Variants in ABTB3 observed in about 807,000 individuals in gnomAD.
ABTB3 encodes ankyrin repeat and BTB domain containing 3, also known as ankyrin repeat- and BTB/POZ domain-containing protein 3.
At chr12:107,537,935 A>G in the ABTB3 span, among the ~76,000 whole-genome samples, 2 of 152,160 alleles carry the variant, frequency 1.3e-5, no homozygotes, top group Non-Finnish European at 2.9e-5. Context: ...GTGAGCCTGC[A>G]TGAGCCTATG....
chr12:107,373,206 G>A, the ABTB3 span, among the ~76,000 whole-genome samples: 6 of 152,186 alleles, frequency 3.9e-5, no homozygotes, highest in South Asian at 8.3e-4. Flanking sequence ...ATTGGCTGGC[G>A]GTGCTCCTAC....
chr12:107,478,417 T>C, the ABTB3 span, among the ~76,000 whole-genome samples: 4 of 152,336 alleles, frequency 2.6e-5, no homozygotes, highest in African/African-American at 9.6e-5. Context: ...CTACCATGCC[T>C]AGTCTTGCAT....
At chr12:107,353,369 G>A in the ABTB3 span, among the ~76,000 whole-genome samples, 25 of 152,244 alleles carry the variant, frequency 1.6e-4, no homozygotes, top group South Asian at 3.9e-3. Context: ...CTCAAGGAAT[G>A]TTCCAGATTA....
the ABTB3 span, among the ~76,000 whole-genome samples, chr12:107,409,201 C>T: frequency 6.6e-6 from 1 of 152,186 alleles, no homozygotes. Context: ...AGCCCAGGCC[C>T]CATGGAAGGG....
At chr12:107,359,011 T>C in the ABTB3 span, among the ~76,000 whole-genome samples, 1 of 152,198 alleles carries the variant, frequency 6.6e-6, no homozygotes, top group East Asian at 1.9e-4. Context: ...TCCCATCTTA[T>C]GTTCTGGCAG....
the ABTB3 span, among the ~76,000 whole-genome samples, chr12:107,491,038 C>T: frequency 6.6e-6 from 1 of 152,176 alleles, no homozygotes; most frequent in African/African-American, 2.4e-5. Context: ...GGGGGCCACA[C>T]CTTCCCAGGA....
the ABTB3 span, among the ~76,000 whole-genome samples, chr12:107,340,297 A>C: frequency 1.3e-5 from 2 of 152,178 alleles, no homozygotes; most frequent in African/African-American, 4.8e-5. Flanking sequence ...TTTTGACATA[A>C]AGAAACCCAG....
At chr12:107,540,956 C>T in the ABTB3 span, among the ~76,000 whole-genome samples, 1 of 152,160 alleles carries the variant, frequency 6.6e-6, no homozygotes, top group African/African-American at 2.4e-5. Context: ...CACCCTGCTG[C>T]ACTCCAGCCT....
chr12:107,391,329 T>G, the ABTB3 span, among the ~76,000 whole-genome samples: 13 of 152,176 alleles, frequency 8.5e-5, no homozygotes, highest in African/African-American at 2.7e-4. Flanking sequence ...ATTATGTGCA[T>G]TCTGGCACCA....
At chr12:107,420,536 T>A in the ABTB3 span, among the ~76,000 whole-genome samples, 1 of 152,176 alleles carries the variant, frequency 6.6e-6, no homozygotes, top group African/African-American at 2.4e-5. Flanking sequence ...ACCCCCATGA[T>A]TCAATTACCT....
chr12:107,612,645 T>A, the ABTB3 span: 1 of 884,640 alleles, frequency 1.1e-6, no homozygotes, highest in East Asian at 2.7e-5. Flanking sequence ...GTCACAGGGC[T>A]GCACGTTTAT....
the ABTB3 span, chr12:107,520,476 T>C: frequency 3.1e-6 from 5 of 1,612,068 alleles, no homozygotes; most frequent in East Asian, 1.1e-4. Context: ...CTGTCTCCCT[T>C]CTGACTGCAG....
chr12:107,471,021 C>A, the ABTB3 span, among the ~76,000 whole-genome samples: 1 of 152,182 alleles, frequency 6.6e-6, no homozygotes, highest in Non-Finnish European at 1.5e-5. Context: ...ACTGAGCATG[C>A]CAGGCACGAA....
the ABTB3 span, among the ~76,000 whole-genome samples, chr12:107,495,613 A>C: frequency 6.6e-6 from 1 of 152,166 alleles, no homozygotes; most frequent in Non-Finnish European, 1.5e-5. Context: ...GCCAAACCCC[A>C]CAAACACCTC....
the ABTB3 span, among the ~76,000 whole-genome samples, chr12:107,357,503 C>A: frequency 4.6e-5 from 7 of 152,052 alleles, no homozygotes; most frequent in African/African-American, 1.4e-4. Context: ...CTCAGCTACT[C>A]AGGAGGCTGG....
chr12:107,550,806 C>T, the ABTB3 span, among the ~76,000 whole-genome samples: 1 of 152,150 alleles, frequency 6.6e-6, no homozygotes, highest in South Asian at 2.1e-4. Context: ...TGGTCTCAAA[C>T]TCCTGACCTC....
chr12:107,581,926 G>C, the ABTB3 span, among the ~76,000 whole-genome samples: 5 of 152,258 alleles, frequency 3.3e-5, no homozygotes, highest in South Asian at 2.1e-4. Flanking sequence ...GTGTGCGTGC[G>C]CGTGCACGCA....
At chr12:107,473,079 C>T in the ABTB3 span, among the ~76,000 whole-genome samples, 1 of 152,186 alleles carries the variant, frequency 6.6e-6, no homozygotes, top group South Asian at 2.1e-4. Flanking sequence ...CAGAGAGGTC[C>T]TGTGTGGCAG....
chr12:107,524,956 C>T, the ABTB3 span, among the ~76,000 whole-genome samples: 1 of 152,112 alleles, frequency 6.6e-6, no homozygotes, highest in Non-Finnish European at 1.5e-5. Flanking sequence ...TTACCAATAC[C>T]TCCCCAAATA....
Sources: allele counts gnomAD v4.1 joint callset (sites outside exome capture counted in the v4.1 genomes callset), GRCh38; gene constraint gnomAD v4.1.1; transcripts MANE v1.5; gene names NCBI Gene and HGNC (gene_info 2026-07-23, HGNC 2026-07-21).